LRTM3: variants seen among roughly 807,000 people sequenced by gnomAD.
LRTM3 encodes leucine-rich repeat transmembrane protein 3.
At chr13:102,750,527 T>A in the LRTM3 span, 1 of 565,854 alleles carries the variant, frequency 1.8e-6, no homozygotes, top group Non-Finnish European at 3.0e-6. Context: ...TTATCCATAT[T>A]ACAAAACAAT....
At chr13:102,748,214 A>C in the LRTM3 span, 1 of 1,551,062 alleles carries the variant, frequency 6.4e-7, no homozygotes, top group Non-Finnish European at 8.7e-7. Flanking sequence ...CATATTTGTT[A>C]TGTTACTTCC....
At chr13:102,744,589 G>T in the LRTM3 span, 1 of 1,550,466 alleles carries the variant, frequency 6.4e-7, no homozygotes, top group African/African-American at 1.4e-5. Flanking sequence ...TTTGCACTAT[G>T]TGAGACAAAT....
the LRTM3 span, chr13:102,739,355 T>G: frequency 6.5e-7 from 1 of 1,549,568 alleles, no homozygotes; most frequent in Non-Finnish European, 8.7e-7. Flanking sequence ...TTCTATTACA[T>G]TACTTAAACT....
the LRTM3 span, chr13:102,746,472 C>G: frequency 1.3e-6 from 2 of 1,550,954 alleles, no homozygotes; most frequent in Non-Finnish European, 1.7e-6. Flanking sequence ...TTTAGACATT[C>G]AGGTACCAAT....
the LRTM3 span, chr13:102,750,030 T>C: frequency 1.1e-4 from 167 of 1,549,914 alleles, no homozygotes; most frequent in Non-Finnish European, 1.3e-4. Context: ...TTTTCTACAG[T>C]GAATCTAGAT....
chr13:102,735,157 C>T, the LRTM3 span: 3 of 1,551,286 alleles, frequency 1.9e-6, no homozygotes, highest in Non-Finnish European at 2.6e-6. Flanking sequence ...CTCTAGTTTT[C>T]CACTGAAGAT....
At chr13:102,739,167 C>T in the LRTM3 span, 1 of 1,549,908 alleles carries the variant, frequency 6.5e-7, no homozygotes, top group Non-Finnish European at 8.7e-7. Context: ...AGATTACTTT[C>T]ATCTTCCTGC....
the LRTM3 span, chr13:102,733,770 C>T: frequency 6.4e-7 from 1 of 1,551,392 alleles, no homozygotes. Flanking sequence ...TCTGACCTGA[C>T]TCGTGAAGGT....
the LRTM3 span, chr13:102,749,551 T>C: frequency 6.4e-7 from 1 of 1,551,424 alleles, no homozygotes; most frequent in South Asian, 1.2e-5. Context: ...GGCCCTTTAC[T>C]GAATATTTTG....
the LRTM3 span, chr13:102,734,576 T>A: frequency 6.4e-7 from 1 of 1,551,360 alleles, no homozygotes. Flanking sequence ...ATCGATTATT[T>A]TTTTTTGGTT....
At chr13:102,752,820 C>A in the LRTM3 span, among the ~76,000 whole-genome samples, 1 of 152,090 alleles carries the variant, frequency 6.6e-6, no homozygotes, top group Non-Finnish European at 1.5e-5. Flanking sequence ...TATGGGTAGG[C>A]CTTAATCCAT....
chr13:102,730,873 C>T, the LRTM3 span: 9 of 1,551,298 alleles, frequency 5.8e-6, no homozygotes, highest in Non-Finnish European at 7.0e-6. Flanking sequence ...GGAGAGATTT[C>T]TCCTCAGAAA....
the LRTM3 span, among the ~76,000 whole-genome samples, chr13:102,755,265 A>C: frequency 6.9e-6 from 1 of 144,294 alleles, no homozygotes; most frequent in African/African-American, 2.6e-5. Context: ...AAGCAAGATA[A>C]AATCCACTCC....
the LRTM3 span, chr13:102,735,843 A>G: frequency 6.5e-7 from 1 of 1,541,600 alleles, no homozygotes; most frequent in Non-Finnish European, 8.8e-7. Context: ...CAATTCAGGT[A>G]AAATGGAGGA....
At chr13:102,737,677 CTCT>C in the LRTM3 span, 20 of 1,549,404 alleles carry the variant, frequency 1.3e-5, no homozygotes, top group South Asian at 1.7e-4. Context: ...TTACTTCATC[CTCT>C]TCTTTCTGTT....
At chr13:102,740,055 G>T in the LRTM3 span, 13 of 1,549,972 alleles carry the variant, frequency 8.4e-6, no homozygotes, top group Admixed American at 2.6e-4. Context: ...TGCAAAATAG[G>T]CATGGATGCA....
chr13:102,731,382 A>G, the LRTM3 span: 9 of 1,551,432 alleles, frequency 5.8e-6, no homozygotes, highest in Middle Eastern at 3.3e-4. Context: ...ATTTGTAAAG[A>G]TTTCCTTGCC....
At chr13:102,738,388 T>C in the LRTM3 span, 1 of 1,550,790 alleles carries the variant, frequency 6.4e-7, no homozygotes, top group African/African-American at 1.4e-5. Context: ...CTGCTTTTTC[T>C]CTCCTTGTAT....
chr13:102,748,689 A>T, the LRTM3 span: 1 of 1,550,016 alleles, frequency 6.5e-7, no homozygotes, highest in African/African-American at 1.4e-5. Context: ...AGAACATGAA[A>T]TTCTGTAATA....
Sources: allele counts gnomAD v4.1 joint callset (sites outside exome capture counted in the v4.1 genomes callset), GRCh38; gene constraint gnomAD v4.1.1; transcripts MANE v1.5; gene names NCBI Gene and HGNC (gene_info 2026-07-23, HGNC 2026-07-21).